The following CSMD1 variants were observed in gnomAD, a reference collection of about 807,000 sequenced individuals.
CSMD1 encodes the protein CUB and Sushi multiple domains 1.
CSMD1 carries 213 observed loss-of-function variants against 417.5 expected under a neutral mutation model. The ratio of observed to expected loss-of-function variants is 0.51; its 90% confidence interval spans 0.46 to 0.57. The LOEUF is 0.57. Ranked by LOEUF, CSMD1 falls within the 20% of genes least tolerant of loss-of-function variation. The pLI, the probability that CSMD1 is intolerant of heterozygous loss-of-function variation, is 0.00. For synonymous variants in CSMD1, 2,862 were observed against 1,736.8 expected, an observed-to-expected ratio of 1.65 and a Z score of -16.11; for missense variants, 6,923 against 4,529.7, an observed-to-expected ratio of 1.53 and a Z score of -15.17.
intron 1 of CSMD1, among the ~76,000 whole-genome samples, chr8:4,673,836 G>C (rs1333263581): frequency 1.3e-5 from 2 of 152,158 alleles, no homozygotes; most frequent in Non-Finnish European, 2.9e-5. Flanking sequence ...AAGCAATTGA[G>C]TGCTTGCCAG....
intron 2 of CSMD1, among the ~76,000 whole-genome samples, chr8:4,577,213 C>T (rs1799180801): frequency 6.6e-6 from 1 of 151,940 alleles, no homozygotes; most frequent in Non-Finnish European, 1.5e-5. Context: ...GTATCAAAAT[C>T]AAATATAGAA....
intron 1 of CSMD1, among the ~76,000 whole-genome samples, chr8:4,835,796 G>C (rs1800442385): frequency 1.3e-5 from 2 of 151,308 alleles, no homozygotes; most frequent in Non-Finnish European, 2.9e-5. Flanking sequence ...TCTCAACAGT[G>C]TTATATCTCA....
intron 1 of CSMD1, among the ~76,000 whole-genome samples, chr8:4,971,349 A>G (rs1053748503): frequency 5.9e-5 from 9 of 152,100 alleles, no homozygotes; most frequent in Non-Finnish European, 1.0e-4. Context: ...AATAATCTCA[A>G]CAACTCTATG....
At chr8:3,718,732 G>C (rs939157223) in intron 6 of CSMD1, among the ~76,000 whole-genome samples, 2 of 152,134 alleles carry the variant, frequency 1.3e-5, no homozygotes, top group African/African-American at 4.8e-5. Context: ...TGCTTTACTG[G>C]AAGAAAGGCA....
intron 3 of CSMD1, among the ~76,000 whole-genome samples, chr8:4,186,842 A>G (rs1300813464): frequency 6.6e-6 from 1 of 151,126 alleles, no homozygotes; most frequent in African/African-American, 2.4e-5. Context: ...CAGAAAAAAA[A>G]AAAATCAGCC....
At chr8:3,753,421 C>G (rs966878498) in intron 6 of CSMD1, among the ~76,000 whole-genome samples, 2 of 152,152 alleles carry the variant, frequency 1.3e-5, no homozygotes, top group African/African-American at 4.8e-5. Flanking sequence ...CTAATGACTA[C>G]AGACTCCCCA....
chr8:4,908,730 T>TTTCCA (rs145769631), intron 1 of CSMD1, among the ~76,000 whole-genome samples: 1 of 152,042 alleles, frequency 6.6e-6, no homozygotes, highest in Non-Finnish European at 1.5e-5. Flanking sequence ...CACCATGTTA[T>TTTCCA]TTTCTAGTAA....
chr8:2,966,465 G>A (rs1196591375), intron 58 of CSMD1, 105 bp downstream of exon 58: 2 of 997,388 alleles, frequency 2.0e-6, no homozygotes, highest in Non-Finnish European at 2.9e-6. Flanking sequence ...TTTCCTCTAT[G>A]AATTAAAAAT....
chr8:4,326,833 A>AT (rs1799589468), intron 3 of CSMD1, among the ~76,000 whole-genome samples: 1 of 152,036 alleles, frequency 6.6e-6, no homozygotes, highest in Admixed American at 6.6e-5. Context: ...ATTCTTCTGA[A>AT]AAAAAAAGGT....
chr8:3,602,540 C>A (rs1801413210), intron 8 of CSMD1, among the ~76,000 whole-genome samples: 1 of 152,082 alleles, frequency 6.6e-6, no homozygotes, highest in Admixed American at 6.6e-5. Context: ...TCACAGGCTT[C>A]TTTTAGCCTC....
chr8:3,641,502 C>A (rs910798172), intron 7 of CSMD1, among the ~76,000 whole-genome samples: 2 of 152,164 alleles, frequency 1.3e-5, no homozygotes, highest in Admixed American at 6.5e-5. Context: ...AAGTATAACT[C>A]GGTCTCTTGG....
intron 1 of CSMD1, among the ~76,000 whole-genome samples, chr8:4,782,793 T>G (rs904921914): frequency 6.6e-6 from 1 of 152,168 alleles, no homozygotes; most frequent in Non-Finnish European, 1.5e-5. Flanking sequence ...GATTCCTGAT[T>G]ATATCTATTT....
chr8:4,665,630 AATGGCTTATTCCACGTTAGCAT>A (rs747409480), intron 1 of CSMD1, among the ~76,000 whole-genome samples: 3 of 152,174 alleles, frequency 2.0e-5, no homozygotes, highest in Non-Finnish European at 4.4e-5. Flanking sequence ...AGCCTTTTGC[AATGGCTTATTCCACGTTAGCAT>A]AACGCATTCA....
intron 2 of CSMD1, among the ~76,000 whole-genome samples, chr8:4,451,266 G>A (rs1052287163): frequency 3.3e-5 from 5 of 152,164 alleles, no homozygotes; most frequent in African/African-American, 1.2e-4. Flanking sequence ...AGGAGGTCCA[G>A]GCGGCAGTGA....
intron 1 of CSMD1, among the ~76,000 whole-genome samples, chr8:4,776,158 G>T (rs933176023): frequency 6.6e-5 from 10 of 152,098 alleles, no homozygotes; most frequent in Admixed American, 3.3e-4. Flanking sequence ...AAGAAGAGAT[G>T]AGGCGACCCA....
intron 26 of CSMD1, among the ~76,000 whole-genome samples, chr8:3,238,514 A>G (rs1198430767): frequency 6.6e-6 from 1 of 152,118 alleles, no homozygotes; most frequent in Non-Finnish European, 1.5e-5. Flanking sequence ...GATGTTTCTC[A>G]GGGCTGCTTG....
intron 68 of CSMD1, among the ~76,000 whole-genome samples, chr8:2,947,333 G>A (rs549206325): frequency 6.6e-6 from 1 of 152,246 alleles, no homozygotes; most frequent in East Asian, 1.9e-4. Context: ...AGAAAATTAG[G>A]AGGTTATTTT....
At chr8:3,990,873 C>A (rs1165349989) in intron 5 of CSMD1, among the ~76,000 whole-genome samples, 1 of 152,098 alleles carries the variant, frequency 6.6e-6, no homozygotes, top group Non-Finnish European at 1.5e-5. Context: ...CAGAGAGCCA[C>A]CTTCTTTGCT....
Position 4,200,898 on chromosome 8 carries a change from C to A in CSMD1, c.416-168799G>T, listed in dbSNP as rs149384736. Among the ~76,000 whole-genome samples, 36 of 152,208 alleles carry A rather than the reference C, an allele frequency of 2.4e-4. 1 individual carries two copies. Among genetic ancestry groups the A allele is most frequent in the Non-Finnish European group, 4.1e-4 (28 of 68,016 alleles). On this transcript the variant is annotated intron_variant, in intron 3 of 69. Coordinates refer to ENST00000635120, the MANE Select transcript of CSMD1 (RefSeq NM_033225.6). ...ATAATAATAACACATCTTTAAGAAA[C>A]GCTAAGCTAGTTTAAAGTATATGCA...
Sources: allele counts gnomAD v4.1 joint callset (sites outside exome capture counted in the v4.1 genomes callset), GRCh38; gene constraint gnomAD v4.1.1; transcripts MANE v1.5; gene names NCBI Gene and HGNC (gene_info 2026-07-23, HGNC 2026-07-21).